The following APEH variants were observed in gnomAD, a reference collection of about 807,000 sequenced individuals.
APEH encodes the protein acylamino-acid-releasing enzyme.
Under a neutral mutation model 102.7 loss-of-function variants are expected in APEH, and 75 were observed. The observed-to-expected ratio is 0.73, with a 90% confidence interval of 0.61 to 0.89. The LOEUF (loss-of-function observed/expected upper bound fraction) is 0.89, where lower values mean the gene tolerates loss of function less well. Ranked by LOEUF, APEH falls within the 40% of genes least tolerant of loss-of-function variation. The probability of loss-of-function intolerance (pLI) is 0.00; values close to 1 mark genes in which losing one functional copy is unlikely to be tolerated. For missense variants in APEH, 863 were observed against 941.2 expected, an observed-to-expected ratio of 0.92 and a Z score of 1.09; for synonymous variants, 344 against 362.7, an observed-to-expected ratio of 0.95 and a Z score of 0.59.
At position 49,682,919 on chromosome 3, in the gene APEH, A is replaced by G. The variant is rs755424774; in HGVS notation, c.1960A>G (p.Lys654Glu). 7 of 1,613,968 alleles carry G rather than the reference A, an allele frequency of 4.3e-6. No individual in the cohort carries two copies. The highest frequency in any genetic ancestry group is 5.1e-6 in the Non-Finnish European group (6 of 1,179,994). Residue 654 changes from lysine to glutamate, a missense_variant, in exon 20 of 22, where the codon AAA (lysine) becomes GAA (glutamate). Lys to Glu is a moderately conservative substitution (Grantham distance 56). Transcript: ENST00000296456. Reference sequence around the variant, plus strand: ...CAGCGTGTGGGCTGAGATGCTGGACAAATCGCCCATCAGATACATCCCTCA... The same window carrying G: ...CAGCGTGTGGGCTGAGATGCTGGACGAATCGCCCATCAGATACATCCCTCA... Reference protein sequence around the residue: ...DLSVWAEMLDKSPIRYIPQVK... With the variant: ...DLSVWAEMLDESPIRYIPQVK...
rs758643710 is a variant in APEH at position 49,675,671 on chromosome 3, C to T, written c.273-23C>T. 1.9e-6 allele frequency: 3 copies of T among 1,596,324 alleles called. No individual in the cohort carries two copies. The East Asian group carries it at 6.7e-5, about 36-fold the overall frequency. On this transcript the variant is annotated intron_variant, in intron 3 of 21. Transcript: ENST00000296456. ...AGGGGTTATTGCAAGATAATCCTGACCTGTGCTACCCCATGTCCACAGACT... is the reference window on the plus strand; with the variant it reads ...AGGGGTTATTGCAAGATAATCCTGATCTGTGCTACCCCATGTCCACAGACT...
chr3:49,676,537 C>T lies in APEH; in HGVS notation c.744+22C>T, dbSNP rs183349361. 2.0e-3 allele frequency: 3,264 copies of T among 1,614,202 alleles called. 13 individuals are homozygous for T. The highest frequency in any genetic ancestry group is 2.6e-3 in the Admixed American group (155 of 60,026). ...ACAGGTCAGCAGCAACAGCCTGTGT[C>T]CCCCCTGGAGTCTGGGACCCTTCTT... On this transcript the variant is annotated intron_variant, in intron 7 of 21. Transcript: ENST00000296456.
At chr3:49,675,446 G>C in intron 3 of APEH, 137 bp downstream of exon 3, 1 of 1,299,982 alleles carries the variant, frequency 7.7e-7, no homozygotes, top group Non-Finnish European at 1.1e-6. Context: ...TCAGTTTCTG[G>C]TGACATGGCC....
At chr3:49,676,250 A>C in intron 6 of APEH, 31 bp downstream of exon 6, 1 of 1,612,322 alleles carries the variant, frequency 6.2e-7, no homozygotes, top group South Asian at 1.1e-5. Flanking sequence ...AAGGCCCGGC[A>C]GGGCAGCCCT....
At chr3:49,676,574 C>T (rs1379195684) in intron 7 of APEH, 35 bp from the exon 8 acceptor site, 1 of 1,614,168 alleles carries the variant, frequency 6.2e-7, no homozygotes. Context: ...AGCTACCACC[C>T]CTTGCTCACT....
chr3:49,676,260 TGGGGCTC>T (rs2108117809), intron 6 of APEH, 41 bp downstream of exon 6: 1 of 1,611,498 alleles, frequency 6.2e-7, no homozygotes, highest in East Asian at 2.2e-5. Flanking sequence ...AGGGCAGCCC[TGGGGCTC>T]AGTGTGCTCC....
upstream of APEH, chr3:49,674,235 C>A: frequency 1.1e-6 from 1 of 890,028 alleles, no homozygotes; most frequent in Non-Finnish European, 1.6e-6. Flanking sequence ...ACCGTCAAGG[C>A]CCGCCCCCTG....
chr3:49,682,031 T>C lies in APEH; in HGVS notation c.1603+64T>C, dbSNP rs2053346720. 4 of 1,528,576 alleles carry C rather than the reference T, an allele frequency of 2.6e-6. No individual in the cohort carries two copies. The East Asian group carries it at 9.0e-5, about 34-fold the overall frequency. 94.7% of individuals were successfully genotyped at this position (1,528,576 alleles called of 1,614,324 possible). On this transcript the variant is annotated intron_variant, in intron 17 of 21. Coordinates refer to ENST00000296456, the MANE Select transcript of APEH (RefSeq NM_001640.4). The stretch of plus-strand genomic sequence containing the variant: ...GTGGAGTGACGGGGGTGGACCTGGT[T>C]TGTATAAGTACCATGGGTGCCACTC...
intron 11 of APEH, among the ~76,000 whole-genome samples, chr3:49,678,087 GC>G (rs1242303359): frequency 2.0e-5 from 3 of 152,230 alleles, no homozygotes; most frequent in Middle Eastern, 3.4e-3. Flanking sequence ...TCCAGTCTAA[GC>G]CCTGAAGTCA....
At chr3:49,674,787 G>T (rs111635853) in intron 2 of APEH, among the ~76,000 whole-genome samples, 166 bp downstream of exon 2, 1,759 of 152,284 alleles carry the variant, frequency 0.012, 38 homozygotes, top group African/African-American at 0.039. Context: ...TGTGTGGAGG[G>T]GGGGAGGGGG....
chr3:49,673,645 C>T (rs897081933), upstream of APEH, among the ~76,000 whole-genome samples: 2 of 152,170 alleles, frequency 1.3e-5, no homozygotes, highest in Non-Finnish European at 2.9e-5. Flanking sequence ...GACCCTGGCC[C>T]TTCTCTTCTT....
At position 49,681,963 on chromosome 3, in the gene APEH, A is replaced by C. The variant is rs987865559; in HGVS notation, c.1599A>C (p.Leu533=). ...TTTGCAAGATGGGCTTTGCGGTACT[A>C]CTAGGTGAGTGAGCAGGGACCCACA... ...AMLCKMGFAV[L]LVNYRGSTGF... Residue 533 remains leucine, a synonymous_variant, in exon 17 of 22, where the codon CTA becomes CTC. Coordinates refer to ENST00000296456, the MANE Select transcript of APEH (RefSeq NM_001640.4). 22 of 1,613,400 alleles carry C rather than the reference A, an allele frequency of 1.4e-5. No individual in the cohort carries two copies. Among genetic ancestry groups the C allele is most frequent in the Non-Finnish European group, 1.9e-5 (22 of 1,179,390 alleles).
chr3:49,673,998 C>G (rs567500737), upstream of APEH: 7 of 263,968 alleles, frequency 2.7e-5, no homozygotes, highest in Middle Eastern at 1.1e-3. Context: ...CCTTGCAGCA[C>G]CCCCTCAACC....
At chr3:49,682,043 C>T in intron 17 of APEH, 76 bp downstream of exon 17, 1 of 1,465,038 alleles carries the variant, frequency 6.8e-7, no homozygotes, top group Non-Finnish European at 9.6e-7. Flanking sequence ...GTATAAGTAC[C>T]ATGGGTGCCA....
intron 11 of APEH, among the ~76,000 whole-genome samples, chr3:49,678,475 C>A (rs935766341): frequency 6.6e-6 from 1 of 152,164 alleles, no homozygotes; most frequent in South Asian, 2.1e-4. Flanking sequence ...CTGTGCCAAG[C>A]GCTGTGCTAA....
At chr3:49,677,067 G>A in intron 10 of APEH, 43 bp downstream of exon 10, 1 of 1,612,808 alleles carries the variant, frequency 6.2e-7, no homozygotes, top group Non-Finnish European at 8.5e-7. Flanking sequence ...TCAGCAAGAA[G>A]ATGGGATGGT....
Position 49,678,920 on chromosome 3 carries a change from G to C in APEH, c.1129G>C (p.Val377Leu). The change falls in exon 12 of 22, where the codon GTC becomes CTC. Residue 377 changes from valine (V) to leucine (L), a missense_variant. Val to Leu is a conservative substitution (Grantham distance 32, BLOSUM62 1). Coordinates refer to ENST00000296456, the MANE Select transcript of APEH (RefSeq NM_001640.4). ...CTGGTCAGCTGACAGCCAGAGAGTG[G>C]TCTTTGACTCGGCTCAGCGCAGCCG... ...GCWSADSQRV[V>L]FDSAQRSRQD... 6.2e-7 allele frequency: 1 copy of C among 1,613,858 alleles called. No homozygotes were observed. Among genetic ancestry groups the C allele is most frequent in the Non-Finnish European group, 8.5e-7 (1 of 1,179,944 alleles).
chr3:49,676,741 T>C, intron 8 of APEH, 36 bp from the exon 9 acceptor site: 1 of 1,614,232 alleles, frequency 6.2e-7, no homozygotes, highest in Non-Finnish European at 8.5e-7. Flanking sequence ...GCAGCCCAGC[T>C]GGCCTTGAGA....
intron 14 of APEH, among the ~76,000 whole-genome samples, 182 bp from the exon 15 acceptor site, chr3:49,680,919 G>C (rs1173397370): frequency 6.6e-6 from 1 of 152,246 alleles, no homozygotes; most frequent in Non-Finnish European, 1.5e-5. Context: ...GTGTGCCTGT[G>C]TGTGATTGTA....
Sources: gnomAD v4.1 joint callset for allele counts (sites outside exome capture counted in the v4.1 genomes callset) on GRCh38, gnomAD v4.1.1 for gene constraint, MANE v1.5 for transcripts, NCBI Gene and HGNC (gene_info 2026-07-23, HGNC 2026-07-21) for gene names.